AP3B1: variants seen among roughly 807,000 people sequenced by gnomAD.
The protein encoded by AP3B1 is AP-3 complex subunit beta-1.
In AP3B1, 61 loss-of-function variants were observed where a neutral mutation model predicts 132.5. The observed-to-expected ratio is 0.46, with a 90% CI of 0.37 to 0.57. AP3B1 has a LOEUF of 0.57. AP3B1 is among the 20% of genes least tolerant of loss of function. AP3B1 has a pLI of 0.00. For missense variants in AP3B1, 1,120 were observed against 1,289.4 expected (o/e 0.87, Z 2.01); for synonymous variants, 388 against 438.3 (o/e 0.89, Z 1.43).
chr5:78,278,627 G>GAAAAA lies in AP3B1; in HGVS notation c.129-11033_129-11032insTTTTT, dbSNP rs1561217276. ...AAAAAAAAAAAAAAAAAAAAAAAAGGGGGGGGGGGACTAATTAATTATGAG... is the reference window on the plus strand; with the variant it reads ...AAAAAAAAAAAAAAAAAAAAAAAAGGAAAAAGGGGGGGGGACTAATTAATTATGAG... On this transcript the variant is annotated intron_variant, in intron 1 of 26. Transcript: ENST00000255194. 2.1e-3 allele frequency among the ~76,000 whole-genome samples: 65 copies of GAAAAA among 30,470 alleles called. 2 individuals are homozygous for GAAAAA. Among genetic ancestry groups the GAAAAA allele is most frequent in the South Asian group, 3.0e-3 (2 of 656 alleles). 20.0% of individuals were successfully genotyped at this position (30,470 alleles called of 152,430 possible). A position where few individuals can be genotyped will look rare whatever the true frequency, so the allele number is the denominator to read the frequency against.
chr5:78,156,402 T>A, intron 13 of AP3B1, 35 bp from the exon 14 acceptor site: 2 of 1,380,270 alleles, frequency 1.4e-6, no homozygotes, highest in Non-Finnish European at 2.1e-6. Flanking sequence ...ACTAAATATG[T>A]ATAATTCAAT....
chr5:78,016,525 G>A (rs1404368578), intron 25 of AP3B1, among the ~76,000 whole-genome samples: 1 of 152,072 alleles, frequency 6.6e-6, no homozygotes, highest in Non-Finnish European at 1.5e-5. Flanking sequence ...TATGTGCACA[G>A]TAGTTTACAA....
chr5:78,294,674 C>T lies in AP3B1; in HGVS notation c.-95G>A. On this transcript the variant is annotated 5_prime_UTR_variant, in exon 1 of 27. Transcript: ENST00000255194. ...GCACGGAACAAAACTAGTTCTCGTACGGAGGAGCGCGCGCAGGCGCTTCCG... is the reference window on the plus strand; with the variant it reads ...GCACGGAACAAAACTAGTTCTCGTATGGAGGAGCGCGCGCAGGCGCTTCCG... The T allele has an allele frequency of 1.3e-6, 2 of 1,588,684 alleles. No individual in the cohort carries two copies. The highest frequency in any genetic ancestry group is 1.7e-4 in the Middle Eastern group (1 of 5,890).
At chr5:78,226,782 T>C (rs1476682301) in intron 5 of AP3B1, among the ~76,000 whole-genome samples, 4 of 152,108 alleles carry the variant, frequency 2.6e-5, no homozygotes, top group Non-Finnish European at 4.4e-5. Flanking sequence ...ACAATTCTAT[T>C]TGGACAGTAA....
At chr5:78,174,731 A>G (rs373356474) in intron 11 of AP3B1, among the ~76,000 whole-genome samples, 1 of 152,238 alleles carries the variant, frequency 6.6e-6, no homozygotes, top group Non-Finnish European at 1.5e-5. Context: ...TCAAACACCA[A>G]GCTGGGAGAA....
At chr5:78,027,043 C>G (rs980849217) in intron 24 of AP3B1, among the ~76,000 whole-genome samples, 1 of 152,078 alleles carries the variant, frequency 6.6e-6, no homozygotes, top group Non-Finnish European at 1.5e-5. Flanking sequence ...ACTGCTTTCT[C>G]ATTATCTTGT....
chr5:78,280,209 A>G (rs1282480558), intron 1 of AP3B1, among the ~76,000 whole-genome samples: 3 of 152,056 alleles, frequency 2.0e-5, no homozygotes, highest in Non-Finnish European at 4.4e-5. Flanking sequence ...TTTAAACTCA[A>G]AATTTTCATG....
At chr5:78,097,084 C>T (rs1224505089) in intron 21 of AP3B1, among the ~76,000 whole-genome samples, 1 of 122,356 alleles carries the variant, frequency 8.2e-6, no homozygotes, top group Non-Finnish European at 1.8e-5. Context: ...CCCCGCCCGG[C>T]CAGCCGCCCC....
chr5:78,200,236 G>A (rs549024325), intron 7 of AP3B1, among the ~76,000 whole-genome samples: 2 of 151,994 alleles, frequency 1.3e-5, no homozygotes, highest in Admixed American at 6.6e-5. Flanking sequence ...CCAAGCAGGG[G>A]GAGGGGGGAC....
intron 3 of AP3B1, among the ~76,000 whole-genome samples, chr5:78,233,433 T>C (rs892432096): frequency 2.0e-4 from 31 of 151,680 alleles, no homozygotes; most frequent in African/African-American, 3.9e-4. Flanking sequence ...CGGGGTTTCA[T>C]CATATTGTTC....
At chr5:78,066,030 G>A (rs1749274730) in intron 22 of AP3B1, among the ~76,000 whole-genome samples, 1 of 152,180 alleles carries the variant, frequency 6.6e-6, no homozygotes, top group Non-Finnish European at 1.5e-5. Flanking sequence ...AGGGAGCAAG[G>A]ACAATAGGGT....
intron 14 of AP3B1, 83 bp from the exon 15 acceptor site, chr5:78,141,402 A>G: frequency 9.6e-7 from 1 of 1,041,918 alleles, no homozygotes; most frequent in Non-Finnish European, 1.4e-6. Context: ...AACTATTACA[A>G]AAGTTTTACA....
rs185389939 is a variant in AP3B1 at position 78,208,199 on chromosome 5, T to C, written c.786+7856A>G. On this transcript the variant is annotated intron_variant, in intron 7 of 26. Coordinates refer to ENST00000255194, the MANE Select transcript of AP3B1 (RefSeq NM_003664.5). ...ACAGATTGGAACTGTGCAGGCCTAGTAAGCAATCAGATTAGAACAGAGGGT... is the reference window on the plus strand; with the variant it reads ...ACAGATTGGAACTGTGCAGGCCTAGCAAGCAATCAGATTAGAACAGAGGGT... 1.1e-3 allele frequency among the ~76,000 whole-genome samples: 161 copies of C among 152,264 alleles called. 1 individual carries two copies. Among genetic ancestry groups the C allele is most frequent in the African/African-American group, 2.9e-3 (121 of 41,560 alleles).
intron 11 of AP3B1, among the ~76,000 whole-genome samples, chr5:78,166,116 GT>G (rs758583941): frequency 4.8e-4 from 48 of 99,042 alleles, no homozygotes; most frequent in Admixed American, 7.3e-4. Context: ...CTGAAACTCT[GT>G]CACACACACA....
At position 78,277,643 on chromosome 5, in the gene AP3B1, A is replaced by G. The variant is rs547962938; in HGVS notation, c.129-10048T>C. On this transcript the variant is annotated intron_variant, in intron 1 of 26. Transcript: ENST00000255194. ...GAACAAGCTTGGCTATAAAGAATCC[A>G]AAAGAAGATCTATGAAGGGCCTCTA... Among the ~76,000 whole-genome samples, 7 of 152,326 alleles carry G rather than the reference A, an allele frequency of 4.6e-5. No homozygotes were observed. The East Asian group carries it at 1.2e-3, about 25-fold the overall frequency.
chr5:78,125,269 C>T (rs1380944531), intron 17 of AP3B1, among the ~76,000 whole-genome samples: 1 of 151,898 alleles, frequency 6.6e-6, no homozygotes, highest in Non-Finnish European at 1.5e-5. Context: ...TATATTATAT[C>T]CTATATCCTA....
At chr5:78,045,107 G>A (rs999384559) in intron 22 of AP3B1, among the ~76,000 whole-genome samples, 5 of 152,170 alleles carry the variant, frequency 3.3e-5, no homozygotes, top group Non-Finnish European at 7.4e-5. Context: ...ATAGCCAGGT[G>A]TGGTGGCTCA....
chr5:78,100,440 G>C (rs538271492), intron 21 of AP3B1, among the ~76,000 whole-genome samples: 1 of 152,120 alleles, frequency 6.6e-6, no homozygotes, highest in Admixed American at 6.5e-5. Context: ...TGAATTCTTA[G>C]ATTTGCTGGG....
At chr5:78,097,200 C>T (rs1750870875) in intron 21 of AP3B1, among the ~76,000 whole-genome samples, 1 of 133,462 alleles carries the variant, frequency 7.5e-6, no homozygotes, top group African/African-American at 3.1e-5. Context: ...TGAGGAGCCC[C>T]TCTGCCCGGC....
Sources: allele counts gnomAD v4.1 joint callset (sites outside exome capture counted in the v4.1 genomes callset), GRCh38; gene constraint gnomAD v4.1.1; transcripts MANE v1.5; gene names NCBI Gene and HGNC (gene_info 2026-07-23, HGNC 2026-07-21).